PRSS23: variants seen among roughly 807,000 people sequenced by gnomAD.
The protein encoded by PRSS23 is serine protease 23, also known as protease, serine 23.
Under a neutral mutation model 34.7 loss-of-function variants are expected in PRSS23, and 25 were observed. The ratio of observed to expected loss-of-function variants is 0.72; its 90% confidence interval spans 0.53 to 1.01. The LOEUF is 1.01. Ranked by LOEUF, PRSS23 falls within the 50% of genes least tolerant of loss-of-function variation. The pLI is 0.00. For missense variants in PRSS23, 445 were observed against 475.6 expected, an observed-to-expected ratio of 0.94 and a Z score of 0.60; for synonymous variants, 176 against 186.6, an observed-to-expected ratio of 0.94 and a Z score of 0.46.
chr11:86,900,131 A>C (rs1259930985), intron 2 of PRSS23, among the ~76,000 whole-genome samples: 1 of 152,158 alleles, frequency 6.6e-6, no homozygotes, highest in Non-Finnish European at 1.5e-5. Context: ...CTTAATGCCA[A>C]ATGTGTTCTT....
intron 2 of PRSS23, chr11:86,950,099 T>A (rs1179243890): frequency 2.0e-5 from 3 of 152,552 alleles, no homozygotes; most frequent in Non-Finnish European, 4.4e-5. Context: ...AACAATGTGC[T>A]TTTAATTGTA....
chr11:86,825,260 T>G (rs1340413927), intron 2 of PRSS23, among the ~76,000 whole-genome samples: 2 of 152,160 alleles, frequency 1.3e-5, no homozygotes, highest in East Asian at 3.8e-4. Context: ...ATGTGTCTTT[T>G]GGCTGCATAA....
chr11:86,882,575 A>G (rs113399497), intron 2 of PRSS23, among the ~76,000 whole-genome samples: 1,877 of 152,206 alleles, frequency 0.012, 37 homozygotes, highest in African/African-American at 0.04. Context: ...CATGGCGTAA[A>G]TGTACCATAT....
chr11:86,893,965 G>C (rs1314316293), intron 2 of PRSS23, among the ~76,000 whole-genome samples: 1 of 152,084 alleles, frequency 6.6e-6, no homozygotes, highest in Non-Finnish European at 1.5e-5. Context: ...GGGAGTAAAG[G>C]GGGGAATCAA....
chr11:86,878,414 C>T (rs1052181626), intron 2 of PRSS23, among the ~76,000 whole-genome samples: 5 of 152,126 alleles, frequency 3.3e-5, no homozygotes, highest in East Asian at 1.9e-4. Flanking sequence ...AGGCGCGCGC[C>T]GCCACGCCTG....
At chr11:86,820,661 CACTT>C (rs1470426714) in intron 1 of PRSS23, among the ~76,000 whole-genome samples, 3 of 152,160 alleles carry the variant, frequency 2.0e-5, no homozygotes, top group African/African-American at 7.2e-5. Flanking sequence ...AATTTTAAAA[CACTT>C]TATCTCATTT....
upstream of PRSS23, among the ~76,000 whole-genome samples, chr11:86,796,366 G>A (rs1947980289): frequency 6.6e-6 from 1 of 152,184 alleles, no homozygotes. Context: ...CATAGGCCGG[G>A]CGCGGTGGCT....
chr11:86,881,327 T>C (rs1319684355), intron 2 of PRSS23, among the ~76,000 whole-genome samples: 1 of 151,946 alleles, frequency 6.6e-6, no homozygotes, highest in Non-Finnish European at 1.5e-5. Flanking sequence ...GTTGGTTTTT[T>C]CTTTTTTTTG....
intron 2 of PRSS23, among the ~76,000 whole-genome samples, chr11:86,878,952 G>C (rs761256948): frequency 9.5e-5 from 11 of 116,180 alleles, no homozygotes; most frequent in African/African-American, 2.1e-4. Flanking sequence ...GTCTCTGCCC[G>C]GCCGCCATCC....
At chr11:86,828,185 G>A (rs1015036203) in intron 2 of PRSS23, among the ~76,000 whole-genome samples, 4 of 152,250 alleles carry the variant, frequency 2.6e-5, no homozygotes, top group African/African-American at 9.6e-5. Context: ...CTCCTGTATT[G>A]GGTGCATATA....
intron 2 of PRSS23, chr11:86,837,031 G>C (rs866297791): frequency 6.6e-6 from 1 of 152,024 alleles, no homozygotes; most frequent in South Asian, 2.1e-4. Flanking sequence ...ACTTCTTGCT[G>C]TACACACCTG....
At chr11:86,929,322 C>CAAA (rs1207187904) in intron 2 of PRSS23, among the ~76,000 whole-genome samples, 1 of 98,638 alleles carries the variant, frequency 1.0e-5, no homozygotes. Flanking sequence ...AACTCCGTCT[C>CAAA]AAAAAAAAAA....
intron 1 of PRSS23, among the ~76,000 whole-genome samples, chr11:86,793,551 A>G (rs1261252031): frequency 6.6e-6 from 1 of 152,210 alleles, no homozygotes; most frequent in Admixed American, 6.5e-5. Context: ...GTTATCTGAC[A>G]TGAACTGTAA....
At chr11:86,916,167 A>C (rs1048553508) in intron 2 of PRSS23, among the ~76,000 whole-genome samples, 5 of 152,190 alleles carry the variant, frequency 3.3e-5, no homozygotes, top group Non-Finnish European at 7.3e-5. Context: ...TTTAAAAAGA[A>C]AGTTTATACA....
At chr11:86,921,883 G>C (rs1012065461) in intron 2 of PRSS23, 2 of 152,238 alleles carry the variant, frequency 1.3e-5, no homozygotes, top group African/African-American at 4.8e-5. Context: ...GTGGAAAAGG[G>C]AACACCACTC....
At chr11:86,893,440 C>T (rs749767094) in intron 2 of PRSS23, among the ~76,000 whole-genome samples, 5 of 152,236 alleles carry the variant, frequency 3.3e-5, no homozygotes, top group East Asian at 1.9e-4. Flanking sequence ...AATTGATTTC[C>T]GACCCACTTA....
chr11:86,887,347 TGAAATGG>T (rs1201835809), intron 2 of PRSS23, among the ~76,000 whole-genome samples: 4 of 144,892 alleles, frequency 2.8e-5, no homozygotes, highest in African/African-American at 7.7e-5. Context: ...GCCCAAGATG[TGAAATGG>T]GAAATGGGAA....
At chr11:86,947,936 C>T (rs957483746) in intron 2 of PRSS23, 1 of 152,242 alleles carries the variant, frequency 6.6e-6, no homozygotes, top group African/African-American at 2.4e-5. Context: ...CTCACCTTTT[C>T]TCTAGCAAGA....
At chr11:86,803,068 T>A (rs963159227) in intron 1 of PRSS23, among the ~76,000 whole-genome samples, 1 of 152,216 alleles carries the variant, frequency 6.6e-6, no homozygotes, top group Non-Finnish European at 1.5e-5. Flanking sequence ...TTTCCATTCT[T>A]CCCTGCCAGT....
Sources: allele counts gnomAD v4.1 joint callset (sites outside exome capture counted in the v4.1 genomes callset), GRCh38; gene constraint gnomAD v4.1.1; transcripts MANE v1.5; gene names NCBI Gene and HGNC (gene_info 2026-07-23, HGNC 2026-07-21).